Variants in RERE observed in about 807,000 individuals in gnomAD.
RERE encodes arginine-glutamic acid dipeptide repeats protein.
RERE carries 40 observed loss-of-function variants against 146.1 expected under a neutral mutation model. That is an observed-to-expected ratio of 0.27 (90% CI 0.21 to 0.36). The LOEUF (loss-of-function observed/expected upper bound fraction) is 0.36, where lower values mean the gene tolerates loss of function less well. Ranked by LOEUF, RERE falls within the 10% of genes least tolerant of loss-of-function variation. The pLI, the probability that RERE is intolerant of heterozygous loss-of-function variation, is 1.00. For missense variants in RERE, 1,933 were observed against 2,138.7 expected, an observed-to-expected ratio of 0.90 and a Z score of 1.90; for synonymous variants, 1,003 against 866.0, an observed-to-expected ratio of 1.16 and a Z score of -2.78.
chr1:8,601,715 A>C (rs1229649169), intron 4 of RERE, among the ~76,000 whole-genome samples: 1 of 134,176 alleles, frequency 7.5e-6, no homozygotes, highest in Non-Finnish European at 1.5e-5. Flanking sequence ...CTTAATCCCA[A>C]CTGCCATCAT....
At chr1:8,732,523 T>A (rs140020681) in intron 1 of RERE, among the ~76,000 whole-genome samples, 2 of 152,012 alleles carry the variant, frequency 1.3e-5, no homozygotes, top group Non-Finnish European at 2.9e-5. Flanking sequence ...GATGATTACA[T>A]GGAGCACAGA....
rs1189889068 is a variant in RERE at position 8,364,696 on chromosome 1, G to C, written c.1540+50C>G. On this transcript the variant is annotated intron_variant, in intron 14 of 22. Transcript: ENST00000400908. This position sits in a 1 kb window ranked among gnomAD's most constrained non-coding sequence, Gnocchi z 5.1. ...GGATGCATGAAATGTTCAGAACATG[G>C]AAGTGCTTGTGCCCCCGCCCCGCCC... 1 of 1,322,726 alleles carries C rather than the reference G, an allele frequency of 7.6e-7. No individual in the cohort carries two copies. Among genetic ancestry groups the C allele is most frequent in the African/African-American group, 1.4e-5 (1 of 69,378 alleles). 81.9% of individuals were successfully genotyped at this position (1,322,726 alleles called of 1,614,324 possible). A position where few individuals can be genotyped will look rare whatever the true frequency, so the allele number is the denominator to read the frequency against.
chr1:8,394,389 C>T (rs904451399), intron 12 of RERE, among the ~76,000 whole-genome samples: 5 of 152,312 alleles, frequency 3.3e-5, no homozygotes, highest in Middle Eastern at 6.8e-3. Flanking sequence ...TCGACAACTA[C>T]ATACAGGCAA....
chr1:8,530,683 T>TTC (rs1553180713), intron 7 of RERE, among the ~76,000 whole-genome samples: 1 of 115,524 alleles, frequency 8.7e-6, no homozygotes, highest in Non-Finnish European at 1.8e-5. Context: ...CGTTTTCTTT[T>TTC]TTTTTTTTTT....
At chr1:8,402,212 G>A (rs988756087) in intron 12 of RERE, among the ~76,000 whole-genome samples, 6 of 152,144 alleles carry the variant, frequency 3.9e-5, no homozygotes, top group East Asian at 1.9e-4. Flanking sequence ...GCCACAGAAC[G>A]CAGCCAACCA....
chr1:8,582,429 G>A (rs11805737), intron 4 of RERE, among the ~76,000 whole-genome samples: 2 of 116,832 alleles, frequency 1.7e-5, no homozygotes, highest in African/African-American at 3.4e-5. Context: ...TTTTTTTTTT[G>A]GGGGGTAGAG....
chr1:8,513,140 C>G (rs1335134591), intron 7 of RERE: 1 of 152,130 alleles, frequency 6.6e-6, no homozygotes, highest in African/African-American at 2.4e-5. Flanking sequence ...GTGGACAAAA[C>G]AGAAATAAAG....
chr1:8,720,498 GAAGA>G (rs1474908164), intron 1 of RERE, among the ~76,000 whole-genome samples: 1 of 152,092 alleles, frequency 6.6e-6, no homozygotes, highest in East Asian at 1.9e-4. Context: ...GCTGGAGAGA[GAAGA>G]GAGACAGACA....
intron 1 of RERE, among the ~76,000 whole-genome samples, chr1:8,803,629 T>C (rs917346802): frequency 3.3e-5 from 5 of 152,148 alleles, no homozygotes; most frequent in Admixed American, 6.5e-5. Context: ...TTGCCCAGAC[T>C]GAAGTGCAAT....
intron 4 of RERE, among the ~76,000 whole-genome samples, chr1:8,597,893 A>C (rs1398772040): frequency 6.6e-6 from 1 of 152,100 alleles, no homozygotes; most frequent in African/African-American, 2.4e-5. Flanking sequence ...GTGAGGATGG[A>C]TAACTATATT....
intron 8 of RERE, among the ~76,000 whole-genome samples, chr1:8,498,725 A>AC: frequency 1.1e-5 from 1 of 89,756 alleles, no homozygotes; most frequent in African/African-American, 4.4e-5. Context: ...AAAAAAAAAT[A>AC]AATATATACA....
intron 4 of RERE, among the ~76,000 whole-genome samples, chr1:8,574,255 T>TA (rs1646260318): frequency 6.6e-6 from 1 of 152,068 alleles, no homozygotes; most frequent in Non-Finnish European, 1.5e-5. Flanking sequence ...TCTTGATTCC[T>TA]AGCTTAGTAG....
chr1:8,749,691 G>A lies in RERE; in HGVS notation c.-145+67469C>T, dbSNP rs545029946. ...AGGGAGCAAGTGGAGAGTGGTCAGA[G>A]TTATATCAGAGACTCAGAAGTATCA... is the stretch of plus-strand genomic sequence containing the variant. On this transcript the variant is annotated intron_variant, in intron 1 of 22. Transcript: ENST00000400908. 4.3e-4 allele frequency among the ~76,000 whole-genome samples: 66 copies of A among 152,322 alleles called. No individual in the cohort carries two copies. In the South Asian group the frequency reaches 0.014, roughly 32 times the overall value.
intron 1 of RERE, among the ~76,000 whole-genome samples, chr1:8,754,223 T>C (rs940863598): frequency 6.6e-6 from 1 of 151,512 alleles, no homozygotes; most frequent in Non-Finnish European, 1.5e-5. Context: ...TTTTTTTTTT[T>C]CTCCTTTTTT....
At chr1:8,566,552 G>T (rs1646155160) in intron 4 of RERE, among the ~76,000 whole-genome samples, 1 of 151,972 alleles carries the variant, frequency 6.6e-6, no homozygotes, top group Non-Finnish European at 1.5e-5. Context: ...CCAGGAGGCG[G>T]AAGTTGCAGT....
At chr1:8,470,813 C>CTTTTTTTTTTTTTTT (rs71580028) in intron 10 of RERE, among the ~76,000 whole-genome samples, 1 of 74,554 alleles carries the variant, frequency 1.3e-5, no homozygotes, top group Non-Finnish European at 2.3e-5. Context: ...AAAGAAATAC[C>CTTTTTTTTTTTTTTT]TTTTTTTTTT....
At chr1:8,522,429 G>C (rs917775463) in intron 7 of RERE, among the ~76,000 whole-genome samples, 3 of 152,092 alleles carry the variant, frequency 2.0e-5, no homozygotes, top group Non-Finnish European at 2.9e-5. Flanking sequence ...AAAGTAAAAT[G>C]GAAAAGAAAA....
intron 1 of RERE, among the ~76,000 whole-genome samples, chr1:8,662,711 A>C (rs1398227337): frequency 6.6e-6 from 1 of 151,910 alleles, no homozygotes; most frequent in East Asian, 1.9e-4. Flanking sequence ...AAAAACAAAA[A>C]AAGAAAACCA....
intron 1 of RERE, among the ~76,000 whole-genome samples, chr1:8,745,122 G>A (rs1024264830): frequency 2.0e-5 from 3 of 152,066 alleles, no homozygotes; most frequent in Admixed American, 1.3e-4. Context: ...TAATCCCCAC[G>A]TGTCTAGGGA....
Sources: allele counts gnomAD v4.1 joint callset (sites outside exome capture counted in the v4.1 genomes callset), GRCh38; gene constraint gnomAD v4.1.1; non-coding constraint Gnocchi (gnomAD v3.1); transcripts MANE v1.5; gene names NCBI Gene and HGNC (gene_info 2026-07-23, HGNC 2026-07-21).